USF3: variants seen among roughly 807,000 people sequenced by gnomAD.
The protein encoded by USF3 is basic helix-loop-helix domain-containing protein USF3.
A neutral mutation model predicts 157.5 loss-of-function variants in USF3; 29 were observed. The ratio of observed to expected loss-of-function variants is 0.18; its 90% CI spans 0.14 to 0.25. The LOEUF (loss-of-function observed/expected upper bound fraction) is 0.25. USF3 is among the 10% of genes least tolerant of loss of function. USF3 has a pLI of 1.00. For synonymous variants in USF3, 893 were observed against 941.4 expected (o/e 0.95, Z 0.94); for missense variants, 2,381 against 2,667.6 (o/e 0.89, Z 2.37).
rs199967580 is a variant in USF3, at chr3:113,656,917, G to A, written c.4765C>T (p.His1589Tyr). 193 of 1,614,168 alleles carry A rather than the reference G, an allele frequency of 1.2e-4. No individual in the cohort carries two copies. In the African/African-American group the frequency reaches 2.3e-3, roughly 19 times the overall value. The change falls in exon 7 of 7, where the codon CAT becomes TAT. Residue 1589 changes from histidine (H) to tyrosine (Y), a missense_variant. Physicochemically the swap from His to Tyr is moderately conservative, Grantham distance 83. Coordinates refer to ENST00000316407, the MANE Select transcript of USF3 (RefSeq NM_001009899.4). ...CENPSTSRNHHNHPQNHLNQD... is the reference protein window; with the variant it reads ...CENPSTSRNHYNHPQNHLNQD... The stretch of plus-strand genomic sequence containing the variant: ...TTGAGATGGTTCTGGGGATGGTTAT[G>A]ATGGTTCCGACTAGTTGAAGGGTTT...
intron 1 of USF3, among the ~76,000 whole-genome samples, chr3:113,696,095 G>A (rs571762932): frequency 4.6e-5 from 7 of 152,340 alleles, no homozygotes; most frequent in South Asian, 2.1e-4. Context: ...GCATCTAGGA[G>A]CTGGGGCGCA....
intron 1 of USF3, among the ~76,000 whole-genome samples, chr3:113,683,464 CTTT>C (rs5851905): frequency 1.1e-5 from 1 of 87,078 alleles, no homozygotes; most frequent in Non-Finnish European, 2.1e-5. Context: ...TTATCCCCTG[CTTT>C]TTTTTTTTTT....
Position 113,649,644 on chromosome 3 carries a change from T to G in USF3, c.*5300A>C. 1 of 535,512 alleles carries G rather than the reference T, an allele frequency of 1.9e-6. No homozygotes were observed. Among genetic ancestry groups the G allele is most frequent in the Non-Finnish European group, 3.3e-6 (1 of 304,866 alleles). 33.2% of individuals were successfully genotyped at this position (535,512 alleles called of 1,614,324 possible). A position where few individuals can be genotyped will look rare whatever the true frequency, so the allele number is the denominator to read the frequency against. ...TGTACCATCCCAGCTGGCCCTTTGC[T>G]ATAACAGAGGAGTGGGTGAGTGATA... On this transcript the variant is annotated 3_prime_UTR_variant, in exon 7 of 7. Transcript: ENST00000316407.
At chr3:113,672,427 A>G (rs1379028126) in intron 4 of USF3, among the ~76,000 whole-genome samples, 1 of 152,092 alleles carries the variant, frequency 6.6e-6, no homozygotes, top group African/African-American at 2.4e-5. Flanking sequence ...CGATCGGCCT[A>G]TAAGCACATA....
At chr3:113,680,624 C>A (rs1213324337) in intron 1 of USF3, among the ~76,000 whole-genome samples, 1 of 151,988 alleles carries the variant, frequency 6.6e-6, no homozygotes, top group Non-Finnish European at 1.5e-5. Flanking sequence ...CCAGCCTGGC[C>A]AACATGGCAA....
intron 2 of USF3, among the ~76,000 whole-genome samples, chr3:113,675,201 T>G (rs1707249456): frequency 6.6e-6 from 1 of 152,158 alleles, no homozygotes; most frequent in African/African-American, 2.4e-5. Flanking sequence ...GGGATGTGAA[T>G]TTGAGCAAGA....
intron 5 of USF3, among the ~76,000 whole-genome samples, chr3:113,669,594 C>CCTCATTAT (rs1707103951): frequency 6.6e-6 from 1 of 151,280 alleles, no homozygotes; most frequent in Non-Finnish European, 1.5e-5. Context: ...CATGCTTTAT[C>CCTCATTAT]CTCATTATTA....
chr3:113,652,108 A>AGTGTGTGTGTGTGTGTGTGT lies in USF3; in HGVS notation c.*2816_*2835dup, dbSNP rs5851904. The AGTGTGTGTGTGTGTGTGTGT allele has an allele frequency of 7.0e-6, 1 of 141,978 alleles. No individual in the cohort carries two copies. The highest frequency in any genetic ancestry group is 7.1e-5 in the Admixed American group (1 of 14,092). The allele number at this position is 141,978 out of a possible 1,614,324, so 8.8% of individuals were successfully genotyped here. On this transcript the variant is annotated 3_prime_UTR_variant, in exon 7 of 7. Coordinates refer to ENST00000316407, the MANE Select transcript of USF3 (RefSeq NM_001009899.4). ...TGGAGAGAGAGAGAGAGAGAGAGAG[A>AGTGTGTGTGTGTGTGTGTGT]GTGTGTGTGTGTGTGTGTGTGTGTG...
intron 1 of USF3, among the ~76,000 whole-genome samples, chr3:113,686,758 A>C (rs1707557546): frequency 6.6e-6 from 1 of 151,760 alleles, no homozygotes; most frequent in South Asian, 2.1e-4. Flanking sequence ...TTACTTTCCT[A>C]TTTTCTTATT....
chr3:113,694,782 T>C (rs777701408), intron 1 of USF3, among the ~76,000 whole-genome samples: 4 of 152,274 alleles, frequency 2.6e-5, no homozygotes, highest in Admixed American at 1.3e-4. Context: ...CAGCGGCTCA[T>C]GCCTGTAATC....
rs1331801002 is a variant in USF3 at position 113,649,137 on chromosome 3, T to C, written c.*5807A>G. On this transcript the variant is annotated 3_prime_UTR_variant, in exon 7 of 7. Coordinates refer to ENST00000316407, the MANE Select transcript of USF3 (RefSeq NM_001009899.4). The stretch of plus-strand genomic sequence containing the variant: ...TCTTAGAAAAGTGAAGGGATTTAGA[T>C]ACATCTAACTTTAAGTTCCTATGAC... 6.6e-6 allele frequency: 1 copy of C among 152,362 alleles called. No homozygotes were observed. The highest frequency in any genetic ancestry group is 2.4e-5 in the African/African-American group (1 of 41,444). 9.4% of individuals were successfully genotyped at this position (152,362 alleles called of 1,614,324 possible).
At chr3:113,667,921 T>A (rs1380978737) in intron 5 of USF3, among the ~76,000 whole-genome samples, 1 of 151,886 alleles carries the variant, frequency 6.6e-6, no homozygotes, top group Non-Finnish European at 1.5e-5. Flanking sequence ...GAAGTCTAAG[T>A]CCATCCTATA....
chr3:113,677,894 A>G (rs1707316740), intron 1 of USF3, among the ~76,000 whole-genome samples: 1 of 152,026 alleles, frequency 6.6e-6, no homozygotes, highest in African/African-American at 2.4e-5. Context: ...AAAAATGTAA[A>G]TTTGGGGGCT....
At position 113,655,214 on chromosome 3, in the gene USF3, T is replaced by C; in HGVS notation, c.6468A>G (p.Leu2156=). 1 of 1,614,140 alleles carries C rather than the reference T, an allele frequency of 6.2e-7. No homozygotes were observed. The highest frequency in any genetic ancestry group is 1.3e-5 in the African/African-American group (1 of 75,040). Residue 2156 remains leucine, a synonymous_variant, in exon 7 of 7, where the codon TTA becomes TTG. Coordinates refer to ENST00000316407, the MANE Select transcript of USF3 (RefSeq NM_001009899.4). ...GSLNNRFGSI[L]SPPRPVGFAQ... ...CAAACCCAACAGGTCTGGGAGGAGA[T>C]AAAATTGATCCAAATCGGTTATTTA...
Position 113,658,634 on chromosome 3 carries a change from GTT to G in USF3, c.3046_3047del (p.Asn1016ProfsTer8), listed in dbSNP as rs78597857. 2 of 1,290,380 alleles carry G rather than the reference GTT, an allele frequency of 1.5e-6. No individual in the cohort carries two copies. Among genetic ancestry groups the G allele is most frequent in the South Asian group, 1.3e-5 (1 of 75,620 alleles). 79.9% of individuals were successfully genotyped at this position (1,290,380 alleles called of 1,614,324 possible). ...GATCAGAAAGAGATGATTTCTGAGG[GTT>G]TTTTTTTTTAGCAAGATCAGATAGC... Reference protein sequence around the residue: ...TLLSDLAKKKNPQKSSLSDQM... With the variant: ...TLLSDLAKKKXPQKSSLSDQM... On this transcript the variant is annotated frameshift_variant, in exon 7 of 7. Transcript: ENST00000316407. LOFTEE classifies it high-confidence loss of function.
intron 1 of USF3, among the ~76,000 whole-genome samples, chr3:113,688,344 T>C (rs978290920): frequency 3.9e-5 from 6 of 152,180 alleles, no homozygotes; most frequent in Non-Finnish European, 8.8e-5. Context: ...GGTCTCGAAT[T>C]CCTGACCTCG....
chr3:113,685,316 T>C (rs1398842813), intron 1 of USF3, among the ~76,000 whole-genome samples: 8 of 152,186 alleles, frequency 5.3e-5, no homozygotes, highest in Non-Finnish European at 8.8e-5. Flanking sequence ...CAGCACAGTA[T>C]TGGGTTTCGC....
chr3:113,682,510 T>TAGTGCAAATAGTGCAATAA (rs1707457176), intron 1 of USF3, among the ~76,000 whole-genome samples: 9 of 152,182 alleles, frequency 5.9e-5, no homozygotes, highest in Admixed American at 5.9e-4. Flanking sequence ...ATAAGTCTAA[T>TAGTGCAAATAGTGCAATAA]GTTTGTTGAT....
intron 1 of USF3, among the ~76,000 whole-genome samples, chr3:113,687,395 A>G (rs1201471111): frequency 1.3e-5 from 2 of 152,114 alleles, no homozygotes; most frequent in Non-Finnish European, 2.9e-5. Flanking sequence ...TGGAGAATGG[A>G]ATTTAGAAAC....
Sources: allele counts gnomAD v4.1 joint callset (sites outside exome capture counted in the v4.1 genomes callset), GRCh38; gene constraint gnomAD v4.1.1; transcripts MANE v1.5; gene names NCBI Gene and HGNC (gene_info 2026-07-23, HGNC 2026-07-21).